The following SYNE2 variants were observed in gnomAD, a reference collection of about 807,000 sequenced individuals.
SYNE2 encodes spectrin repeat containing nuclear envelope protein 2.
A neutral mutation model predicts 856.3 loss-of-function variants in SYNE2; 431 were observed. The observed-to-expected ratio is 0.50, with a 90% CI of 0.47 to 0.55. SYNE2 has a LOEUF of 0.55. Ranked by LOEUF, SYNE2 falls within the 20% of genes least tolerant of loss-of-function variation. SYNE2 has a pLI of 0.00. For synonymous variants in SYNE2, 2,923 were observed against 2,872.3 expected, an observed-to-expected ratio of 1.02 and a Z score of -0.56; for missense variants, 8,129 against 8,023.2, an observed-to-expected ratio of 1.01 and a Z score of -0.50.
At chr14:64,211,064 C>A (rs2098638479) in intron 103 of SYNE2, among the ~76,000 whole-genome samples, 1 of 152,164 alleles carries the variant, frequency 6.6e-6, no homozygotes, top group Admixed American at 6.5e-5. Flanking sequence ...TCACTGCAGC[C>A]TCAAACTCCT....
At chr14:64,081,022 T>C (rs912113747) in intron 56 of SYNE2, among the ~76,000 whole-genome samples, 11 of 152,198 alleles carry the variant, frequency 7.2e-5, no homozygotes, top group Non-Finnish European at 1.0e-4. Flanking sequence ...TCTACCCTCC[T>C]TCCAAATAGG....
chr14:64,107,548 G>T lies in SYNE2; in HGVS notation c.12550G>T (p.Asp4184Tyr). Residue 4184 changes from aspartate to tyrosine, a missense_variant, in exon 65 of 116, where the codon GAC (aspartate) becomes TAC (tyrosine). Asp to Tyr is a radical substitution (Grantham distance 160). This residue lies in a region of SYNE2 where 5,410 missense variants were observed against 5,284.8 expected (regional missense o/e 1.02). Coordinates refer to ENST00000555002, the MANE Select transcript of SYNE2 (RefSeq NM_182914.3). Reference sequence around the variant, plus strand: ...TTCCATGGCACAAATCCTCACACCAGACTCACTAAACACTGAGCAAGGCCC... The same window carrying T: ...TTCCATGGCACAAATCCTCACACCATACTCACTAAACACTGAGCAAGGCCC... ...DNSMAQILTP[D>Y]SLNTEQGPEC... The T allele has an allele frequency of 1.2e-6, 2 of 1,614,106 alleles. No individual in the cohort carries two copies. Among genetic ancestry groups the T allele is most frequent in the Non-Finnish European group, 1.7e-6 (2 of 1,180,020 alleles).
At chr14:63,952,295 C>G (rs994778786) in intron 7 of SYNE2, among the ~76,000 whole-genome samples, 1 of 152,198 alleles carries the variant, frequency 6.6e-6, no homozygotes, top group African/African-American at 2.4e-5. Context: ...TGGTTCAACA[C>G]TCAAGGTGCT....
intron 65 of SYNE2, chr14:64,113,017 A>C: frequency 1.0e-6 from 1 of 985,218 alleles, no homozygotes; most frequent in South Asian, 4.7e-5. Flanking sequence ...ATTCCCTTAA[A>C]TGTTTCGGAC....
intron 19 of SYNE2, among the ~76,000 whole-genome samples, chr14:63,988,959 C>T (rs946250313): frequency 2.0e-5 from 3 of 152,170 alleles, no homozygotes; most frequent in Non-Finnish European, 4.4e-5. Flanking sequence ...ATCACCATGC[C>T]ACTGTGAGTT....
chr14:64,223,283 G>A lies in SYNE2; in HGVS notation c.20285G>A (p.Cys6762Tyr), dbSNP rs2098703201. The change falls in exon 113 of 116, where the codon TGT becomes TAT. Residue 6762 changes from cysteine (C) to tyrosine (Y), a missense_variant. By Grantham distance (194) the Cys-to-Tyr change is radical. Around this residue, in one of 3 missense-constraint regions of SYNE2, gnomAD observed 5,410 missense variants for 5,284.8 expected, o/e 1.02. Coordinates refer to ENST00000555002, the MANE Select transcript of SYNE2 (RefSeq NM_182914.3). ...CTCATTAAGGGACATGGAGAAGACTGTATTGAAGCTGAAGAAAAGGTGCAT... is the reference window on the plus strand; with the variant it reads ...CTCATTAAGGGACATGGAGAAGACTATATTGAAGCTGAAGAAAAGGTGCAT... ...SLLIKGHGED[C>Y]IEAEEKVHVI... The A allele has an allele frequency of 6.2e-7, 1 of 1,614,204 alleles. No individual in the cohort carries two copies. The highest frequency in any genetic ancestry group is 8.5e-7 in the Non-Finnish European group (1 of 1,180,034).
rs57522703 is a variant in SYNE2, at chr14:64,119,878, G to A, written c.13023+269G>A. ...GTAGCTGAGTGTTCTTGTTGGCAGT[G>A]AGGTCTAGTGTAAGGCTTCTTCGTA... On this transcript the variant is annotated intron_variant, in intron 67 of 115. Transcript: ENST00000555002. 2.1e-3 allele frequency among the ~76,000 whole-genome samples: 322 copies of A among 152,316 alleles called. 2 individuals carry two copies. Among genetic ancestry groups the A allele is most frequent in the African/African-American group, 7.5e-3 (312 of 41,564 alleles).
chr14:64,215,765 G>A (rs886133976), intron 107 of SYNE2: 1 of 415,924 alleles, frequency 2.4e-6, no homozygotes, highest in East Asian at 6.0e-5. Flanking sequence ...GGGTGCTGAT[G>A]ATTTGCCACA....
chr14:64,163,778 G>T (rs978424375), intron 89 of SYNE2, among the ~76,000 whole-genome samples, 197 bp downstream of exon 89: 2 of 152,176 alleles, frequency 1.3e-5, no homozygotes, highest in Admixed American at 1.3e-4. Context: ...CCTTATTGAA[G>T]ATGTTAGTTC....
At chr14:63,839,178 T>C (rs1216832632) in intron 1 of SYNE2, among the ~76,000 whole-genome samples, 1 of 152,082 alleles carries the variant, frequency 6.6e-6, no homozygotes, top group African/African-American at 2.4e-5. Context: ...TACAGTCATG[T>C]GCCACCATGC....
intron 61 of SYNE2, among the ~76,000 whole-genome samples, chr14:64,095,926 G>T (rs2097673126): frequency 6.6e-6 from 1 of 152,050 alleles, no homozygotes; most frequent in Admixed American, 6.6e-5. Flanking sequence ...ATGGGATTAG[G>T]TGCCCTCAGA....
Position 63,953,543 on chromosome 14 carries a change from G to GAGATAGATAGAT in SYNE2, c.591-1159_591-1148dup, listed in dbSNP as rs59456660. Among the ~76,000 whole-genome samples, 334 of 90,610 alleles carry GAGATAGATAGAT rather than the reference G, an allele frequency of 3.7e-3. 1 individual carries two copies. The highest frequency in any genetic ancestry group is 6.3e-3 in the African/African-American group (220 of 34,920). The allele number at this position is 90,610 out of a possible 152,430, so 59.4% of individuals were successfully genotyped here. On this transcript the variant is annotated intron_variant, in intron 7 of 115. Coordinates refer to ENST00000555002, the MANE Select transcript of SYNE2 (RefSeq NM_182914.3). ...ATAAATAGATAGATAGAGAGAGAGA[G>GAGATAGATAGAT]AGATAGATAGATAGATAGATAGATA...
chr14:64,203,993 A>T (rs1404502411), intron 100 of SYNE2, among the ~76,000 whole-genome samples: 2 of 152,212 alleles, frequency 1.3e-5, no homozygotes, highest in Non-Finnish European at 2.9e-5. Flanking sequence ...ATGGCACTGC[A>T]GGCAGGCGCC....
chr14:64,107,345 A>G, intron 64 of SYNE2, 146 bp from the exon 65 acceptor site: 1 of 742,666 alleles, frequency 1.3e-6, no homozygotes, highest in Non-Finnish European at 2.4e-6. Context: ...TCCCTAATGA[A>G]CAAACTTTTT....
At chr14:63,998,766 T>C (rs2096732196) in intron 26 of SYNE2, 148 bp from the exon 27 acceptor site, 5 of 766,960 alleles carry the variant, frequency 6.5e-6, no homozygotes, top group South Asian at 5.8e-5. Context: ...TTTCGCCATG[T>C]TGGCCAGGCT....
chr14:63,827,666 A>C (rs1157147253), intron 1 of SYNE2, among the ~76,000 whole-genome samples: 2 of 149,718 alleles, frequency 1.3e-5, no homozygotes, highest in Non-Finnish European at 3.0e-5. Context: ...AGAAAGAAAA[A>C]GAAAAAAAGA....
At chr14:63,999,796 G>C (rs1486268325) in intron 27 of SYNE2, among the ~76,000 whole-genome samples, 1 of 152,158 alleles carries the variant, frequency 6.6e-6, no homozygotes, top group East Asian at 1.9e-4. Context: ...ATGTTTTCTA[G>C]TTTCTTTTAT....
At chr14:63,843,036 A>AT (rs1032026904) in intron 1 of SYNE2, among the ~76,000 whole-genome samples, 2 of 150,494 alleles carry the variant, frequency 1.3e-5, no homozygotes, top group Non-Finnish European at 3.0e-5. Flanking sequence ...TGTTAATTTA[A>AT]TTTTTTTTTG....
chr14:64,202,338 A>T (rs185783502), intron 99 of SYNE2: 1 of 701,482 alleles, frequency 1.4e-6, no homozygotes, highest in East Asian at 2.7e-5. Context: ...ACCAAATACC[A>T]CCAAGTGAAC....
Sources: allele counts gnomAD v4.1 joint callset (sites outside exome capture counted in the v4.1 genomes callset), GRCh38; gene constraint gnomAD v4.1.1; regional missense constraint gnomAD v4.1.1; transcripts MANE v1.5; gene names NCBI Gene and HGNC (gene_info 2026-07-23, HGNC 2026-07-21).